The following GNG7 variants were observed in gnomAD, a reference collection of about 807,000 sequenced individuals.
GNG7 encodes the protein guanine nucleotide-binding protein G(I)/G(S)/G(O) subunit gamma-7.
GNG7 carries 1 observed loss-of-function variant against 4.0 expected under a neutral mutation model. The observed-to-expected ratio is 0.25, with a 90% CI of 0.09 to 1.18. The LOEUF (loss-of-function observed/expected upper bound fraction) is 1.18. Ranked by LOEUF, GNG7 falls within the 50% of genes most tolerant of loss-of-function variation. The pLI, the probability that GNG7 is intolerant of heterozygous loss-of-function variation, is 0.50. For missense variants in GNG7, 86 were observed against 91.9 expected (o/e 0.94, Z 0.26); for synonymous variants, 34 against 36.9 (o/e 0.92, Z 0.29).
intron 2 of GNG7, among the ~76,000 whole-genome samples, chr19:2,563,288 G>A (rs1979803116): frequency 1.3e-5 from 2 of 152,002 alleles, no homozygotes; most frequent in Admixed American, 1.3e-4. Context: ...CTCCCGTTCT[G>A]TACTCTGGAC....
intron 2 of GNG7, among the ~76,000 whole-genome samples, chr19:2,608,771 G>A (rs567315386): frequency 3.6e-4 from 55 of 152,320 alleles, no homozygotes; most frequent in Admixed American, 6.5e-4. Context: ...GGCCTGCTGC[G>A]TTCCCCACTC....
intron 1 of GNG7, among the ~76,000 whole-genome samples, chr19:2,680,917 CA>C (rs1417101339): frequency 1.3e-5 from 2 of 152,030 alleles, no homozygotes; most frequent in East Asian, 3.9e-4. Context: ...TGAGGGTCCC[CA>C]TGTCCTACCT....
At chr19:2,588,383 C>A (rs148781191) in intron 2 of GNG7, among the ~76,000 whole-genome samples, 1 of 152,306 alleles carries the variant, frequency 6.6e-6, no homozygotes, top group East Asian at 1.9e-4. Context: ...CAGCACGACG[C>A]GGCTCTCTGC....
Position 2,617,625 on chromosome 19 carries a change from G to A in GNG7, c.-78+28599C>T, listed in dbSNP as rs956096849. Among the ~76,000 whole-genome samples the A allele has an allele frequency of 1.3e-5, 2 of 152,006 alleles. No homozygotes were observed. Among genetic ancestry groups the A allele is most frequent in the African/African-American group, 4.8e-5 (2 of 41,366 alleles). ...GCTCCTCCCCATCCTGCAGGGGTTG[G>A]CAAGGATGTCCCCTCCTTAGAGACC... On this transcript the variant is annotated intron_variant, in intron 2 of 4. Coordinates refer to ENST00000382159, the MANE Select transcript of GNG7 (RefSeq NM_052847.3). This position sits in a 1 kb window ranked among gnomAD's most constrained non-coding sequence, Gnocchi z 4.7.
At chr19:2,581,583 C>T (rs767634679) in intron 2 of GNG7, among the ~76,000 whole-genome samples, 10 of 152,156 alleles carry the variant, frequency 6.6e-5, no homozygotes, top group Non-Finnish European at 1.3e-4. Context: ...GGCTGCACTC[C>T]CAATGCCCAC....
In GNG7 at chr19:2,618,342, G is replaced by GGTGTGTGTGTGT. The variant is rs35982775; in HGVS notation, c.-78+27870_-78+27881dup. Among the ~76,000 whole-genome samples, 245 of 146,498 alleles carry GGTGTGTGTGTGT rather than the reference G, an allele frequency of 1.7e-3. No homozygotes were observed. Among genetic ancestry groups the GGTGTGTGTGTGT allele is most frequent in the African/African-American group, 5.6e-3 (225 of 39,958 alleles). On this transcript the variant is annotated intron_variant, in intron 2 of 4. Transcript: ENST00000382159. The surrounding 1 kb of genome is among the most constrained non-coding windows in gnomAD (Gnocchi z 5.1). ...TTCTCTTTTCTACCTGTATGTGTGTGGTGTGTGTGTGTGTGTGTGTGTGTG... is the reference window on the plus strand; with the variant it reads ...TTCTCTTTTCTACCTGTATGTGTGTGGTGTGTGTGTGTGTGTGTGTGTGTGTGTGTGTGTGTG...
intron 3 of GNG7, among the ~76,000 whole-genome samples, chr19:2,530,396 G>A (rs1978544369): frequency 6.7e-6 from 1 of 148,988 alleles, no homozygotes; most frequent in Admixed American, 6.7e-5. Flanking sequence ...CTGGGCGACA[G>A]AGAGAGACCC....
chr19:2,547,080 C>T (rs8104001), intron 3 of GNG7, among the ~76,000 whole-genome samples: 4,186 of 128,318 alleles, frequency 0.033, 200 homozygotes, highest in African/African-American at 0.1. Flanking sequence ...GCATGCCCCC[C>T]CCCCAGAAAA....
At position 2,588,427 on chromosome 19, in the gene GNG7, G is replaced by A. The variant is rs907445630; in HGVS notation, c.-77-33239C>T. On this transcript the variant is annotated intron_variant, in intron 2 of 4. Transcript: ENST00000382159. ...AGGTAGTAAACAGACCTTAACGCAC[G>A]TCATGAGGTTTGTTTTTCTTTTAAA... is the stretch of plus-strand genomic sequence containing the variant. Among the ~76,000 whole-genome samples the A allele has an allele frequency of 5.9e-5, 9 of 152,214 alleles. 1 individual carries two copies. In the East Asian group the frequency reaches 7.7e-4, roughly 13 times the overall value.
At chr19:2,522,811 G>A (rs923388566) in intron 3 of GNG7, among the ~76,000 whole-genome samples, 3 of 146,920 alleles carry the variant, frequency 2.0e-5, no homozygotes, top group Non-Finnish European at 4.5e-5. Flanking sequence ...ATACCACACC[G>A]CAGGGGAATC....
At chr19:2,567,321 TGTC>T (rs1979948951) in intron 2 of GNG7, among the ~76,000 whole-genome samples, 3 of 32,348 alleles carry the variant, frequency 9.3e-5, no homozygotes, top group Admixed American at 6.9e-4. Flanking sequence ...TCTTCTCAGT[TGTC>T]GTCGATTTGT....
chr19:2,536,350 G>A (rs984246889), intron 3 of GNG7, among the ~76,000 whole-genome samples: 12 of 151,878 alleles, frequency 7.9e-5, no homozygotes, highest in South Asian at 6.2e-4. Flanking sequence ...CCTGGGAGGC[G>A]GCGGTTGCAG....
At chr19:2,593,391 T>C (rs969583980) in intron 2 of GNG7, among the ~76,000 whole-genome samples, 4 of 152,214 alleles carry the variant, frequency 2.6e-5, no homozygotes, top group Non-Finnish European at 5.9e-5. Flanking sequence ...ATTTTTGTTT[T>C]TTAAAATATT....
At chr19:2,521,338 C>T (rs1470986087) in intron 3 of GNG7, among the ~76,000 whole-genome samples, 1 of 152,146 alleles carries the variant, frequency 6.6e-6, no homozygotes, top group African/African-American at 2.4e-5. Context: ...AGGGAGGACC[C>T]ACGCAGGCTC....
At chr19:2,527,210 C>A (rs182957603) in intron 3 of GNG7, among the ~76,000 whole-genome samples, 3 of 152,260 alleles carry the variant, frequency 2.0e-5, no homozygotes, top group African/African-American at 7.2e-5. Flanking sequence ...CCAGGGAGCC[C>A]CACGCACCCT....
intron 2 of GNG7, among the ~76,000 whole-genome samples, chr19:2,562,145 G>A (rs990405436): frequency 6.6e-6 from 1 of 152,184 alleles, no homozygotes; most frequent in African/African-American, 2.4e-5. Flanking sequence ...TCAGGGGTTT[G>A]CAGTAACACC....
chr19:2,647,892 G>T (rs1982707310), intron 1 of GNG7, among the ~76,000 whole-genome samples: 1 of 151,826 alleles, frequency 6.6e-6, no homozygotes, highest in Admixed American at 6.6e-5. Flanking sequence ...GCCAGGTGTG[G>T]TGGTGGGCGC....
chr19:2,599,737 G>A (rs1981142705), intron 2 of GNG7, among the ~76,000 whole-genome samples: 3 of 152,108 alleles, frequency 2.0e-5, no homozygotes, highest in Admixed American at 2.0e-4. Flanking sequence ...AGGAGTTCGA[G>A]ACCAGCCTGG....
chr19:2,644,373 A>G (rs986487060), intron 2 of GNG7, among the ~76,000 whole-genome samples: 3 of 127,180 alleles, frequency 2.4e-5, no homozygotes, highest in Non-Finnish European at 4.8e-5. Flanking sequence ...ATATATATAT[A>G]TATATATAAT....
Sources: gnomAD v4.1 joint callset for allele counts (sites outside exome capture counted in the v4.1 genomes callset) on GRCh38, gnomAD v4.1.1 for gene constraint, Gnocchi (gnomAD v3.1) non-coding constraint, MANE v1.5 for transcripts, NCBI Gene and HGNC (gene_info 2026-07-23, HGNC 2026-07-21) for gene names.